ADK: variants seen among roughly 807,000 people sequenced by gnomAD.
The protein encoded by ADK is N6,N6-dimethyladenosine kinase.
A neutral mutation model predicts 44.7 loss-of-function variants in ADK; 24 were observed. The observed-to-expected ratio is 0.54, with a 90% CI of 0.39 to 0.76. The LOEUF (loss-of-function observed/expected upper bound fraction) is 0.76, where lower values mean the gene tolerates loss of function less well. ADK is among the 30% of genes least tolerant of loss of function. The pLI is 0.00. For synonymous variants in ADK, 128 were observed against 142.6 expected (o/e 0.90, Z 0.73); for missense variants, 321 against 425.1 (o/e 0.76, Z 2.15).
intron 7 of ADK, among the ~76,000 whole-genome samples, chr10:74,571,748 T>G (rs1167219081): frequency 6.6e-6 from 1 of 152,066 alleles, no homozygotes; most frequent in Non-Finnish European, 1.5e-5. Context: ...CCTGGATTCA[T>G]TAATTTTTTG....
intron 4 of ADK, among the ~76,000 whole-genome samples, chr10:74,350,596 A>C (rs935462087): frequency 1.3e-5 from 2 of 152,144 alleles, no homozygotes; most frequent in Non-Finnish European, 2.9e-5. Context: ...CAGACATGAA[A>C]AACCCTTGAA....
rs1193241402 is a variant in ADK at position 74,563,504 on chromosome 10, G to A, written c.727-25778G>A. 3.9e-5 allele frequency among the ~76,000 whole-genome samples: 6 copies of A among 152,202 alleles called. No individual in the cohort carries two copies. The South Asian group carries it at 6.2e-4, about 16-fold the overall frequency. On this transcript the variant is annotated intron_variant, in intron 7 of 10. Coordinates refer to ENST00000539909, the MANE Select transcript of ADK (RefSeq NM_006721.4). ...AAGTGAAAGGATGGACTGAAACATA[G>A]AGCACATACAATAGGTATATTCTAG...
intron 7 of ADK, among the ~76,000 whole-genome samples, chr10:74,566,654 C>T (rs1850678829): frequency 6.6e-6 from 1 of 152,180 alleles, no homozygotes; most frequent in African/African-American, 2.4e-5. Context: ...TGAACTTCAA[C>T]ATGATTATTA....
chr10:74,443,560 A>G (rs371399346), intron 6 of ADK, among the ~76,000 whole-genome samples: 1 of 152,312 alleles, frequency 6.6e-6, no homozygotes, highest in East Asian at 1.9e-4. Flanking sequence ...GGACAATGCT[A>G]CACTCCTAAT....
intron 4 of ADK, among the ~76,000 whole-genome samples, chr10:74,361,316 TCTG>T (rs1291611594): frequency 2.0e-5 from 3 of 152,246 alleles, no homozygotes; most frequent in Admixed American, 6.5e-5. Context: ...TAACTTTTCT[TCTG>T]CTTCTTTTCT....
At position 74,692,149 on chromosome 10, in the gene ADK, A is replaced by T. The variant is rs542391179; in HGVS notation, c.965-16172A>T. Among the ~76,000 whole-genome samples the T allele has an allele frequency of 2.0e-5, 3 of 152,316 alleles. No individual in the cohort carries two copies. The East Asian group carries it at 5.8e-4, about 29-fold the overall frequency. ...TTCACTAGGTGAATGGATAAACATTATCGATACAATAAAATATGATTCAGC... is the reference window on the plus strand; with the variant it reads ...TTCACTAGGTGAATGGATAAACATTTTCGATACAATAAAATATGATTCAGC... On this transcript the variant is annotated intron_variant, in intron 10 of 10. Coordinates refer to ENST00000539909, the MANE Select transcript of ADK (RefSeq NM_006721.4).
intron 1 of ADK, among the ~76,000 whole-genome samples, chr10:74,177,844 G>C (rs1452586152): frequency 6.6e-6 from 1 of 151,404 alleles, no homozygotes; most frequent in Admixed American, 6.6e-5. Context: ...TTGTGTTTAA[G>C]AGACAGCTTG....
intron 4 of ADK, among the ~76,000 whole-genome samples, chr10:74,355,471 C>T (rs1331113346): frequency 6.6e-6 from 1 of 152,142 alleles, no homozygotes; most frequent in Non-Finnish European, 1.5e-5. Context: ...TAATATTTAA[C>T]TTTATTTCGT....
intron 6 of ADK, among the ~76,000 whole-genome samples, chr10:74,410,943 G>A (rs1053222829): frequency 6.6e-6 from 1 of 152,016 alleles, no homozygotes; most frequent in Non-Finnish European, 1.5e-5. Flanking sequence ...ATTCTTCTGT[G>A]ATTATTAAAG....
At chr10:74,579,158 G>A (rs531898351) in intron 7 of ADK, among the ~76,000 whole-genome samples, 5 of 151,704 alleles carry the variant, frequency 3.3e-5, no homozygotes, top group South Asian at 2.1e-4. Context: ...CGCTTGAACC[G>A]GGGAGGCAGA....
intron 10 of ADK, among the ~76,000 whole-genome samples, chr10:74,674,548 G>T (rs1035264561): frequency 6.6e-6 from 1 of 151,992 alleles, no homozygotes; most frequent in Non-Finnish European, 1.5e-5. Context: ...GGCCCTGCCC[G>T]TATGGAAAAA....
chr10:74,487,525 G>T (rs1847307874), intron 6 of ADK, among the ~76,000 whole-genome samples: 1 of 149,850 alleles, frequency 6.7e-6, no homozygotes, highest in African/African-American at 2.5e-5. Flanking sequence ...TTATTTTTTG[G>T]CTATTTTTTT....
chr10:74,511,959 T>G (rs1374026490), intron 6 of ADK, among the ~76,000 whole-genome samples: 3 of 152,188 alleles, frequency 2.0e-5, no homozygotes, highest in Non-Finnish European at 2.9e-5. Flanking sequence ...AACATGTTAT[T>G]ATGTTGAGGT....
At chr10:74,546,554 T>C (rs1000918638) in intron 7 of ADK, among the ~76,000 whole-genome samples, 2 of 152,174 alleles carry the variant, frequency 1.3e-5, no homozygotes, top group African/African-American at 4.8e-5. Flanking sequence ...GTAATGTGAG[T>C]ACAGGAAATA....
intron 7 of ADK, among the ~76,000 whole-genome samples, chr10:74,557,247 G>A (rs1055800838): frequency 2.0e-5 from 3 of 152,088 alleles, no homozygotes; most frequent in Non-Finnish European, 4.4e-5. Flanking sequence ...AGCTAAAAAG[G>A]CATATATATT....
At chr10:74,171,773 C>T (rs1360676933) in intron 1 of ADK, among the ~76,000 whole-genome samples, 1 of 151,778 alleles carries the variant, frequency 6.6e-6, no homozygotes, top group Non-Finnish European at 1.5e-5. Context: ...TACTCTCTCT[C>T]TCAGCGCTCA....
chr10:74,206,701 T>C (rs1412298697), intron 2 of ADK, among the ~76,000 whole-genome samples: 1 of 152,194 alleles, frequency 6.6e-6, no homozygotes, highest in African/African-American at 2.4e-5. Flanking sequence ...TGAAGATGAA[T>C]GTTTATGGGC....
intron 10 of ADK, among the ~76,000 whole-genome samples, chr10:74,680,188 G>GC (rs1026165128): frequency 2.0e-5 from 3 of 151,770 alleles, no homozygotes; most frequent in African/African-American, 7.3e-5. Flanking sequence ...GGTGGCAGAC[G>GC]CCTGTAGTCC....
rs140710680 is a variant in ADK, at chr10:74,640,765, A to T, written c.878-29418A>T. On this transcript the variant is annotated intron_variant, in intron 9 of 10. Coordinates refer to ENST00000539909, the MANE Select transcript of ADK (RefSeq NM_006721.4). Reference sequence around the variant, plus strand: ...ATTCCAATAAAACTCTATTTATAAAAATAGGCAGCTAGCCAGATTTGGCCC... The same window carrying T: ...ATTCCAATAAAACTCTATTTATAAATATAGGCAGCTAGCCAGATTTGGCCC... Among the ~76,000 whole-genome samples the T allele has an allele frequency of 6.2e-3, 952 of 152,356 alleles. 9 individuals carry two copies. Among genetic ancestry groups the T allele is most frequent in the Middle Eastern group, 0.01 (3 of 294 alleles).
Sources: allele counts gnomAD v4.1 joint callset (sites outside exome capture counted in the v4.1 genomes callset), GRCh38; gene constraint gnomAD v4.1.1; transcripts MANE v1.5; gene names NCBI Gene and HGNC (gene_info 2026-07-23, HGNC 2026-07-21).